KIAA0825: variants seen among roughly 807,000 people sequenced by gnomAD.
The protein encoded by KIAA0825 is uncharacterized protein KIAA0825.
In KIAA0825, 119 loss-of-function variants were observed where a neutral mutation model predicts 147.6. The ratio of observed to expected loss-of-function variants is 0.81; its 90% CI spans 0.69 to 0.94. The LOEUF (loss-of-function observed/expected upper bound fraction) is 0.94, where lower values mean the gene tolerates loss of function less well. Ranked by LOEUF, KIAA0825 falls within the 40% of genes least tolerant of loss-of-function variation. The pLI, the probability that KIAA0825 is intolerant of heterozygous loss-of-function variation, is 0.00. For missense variants in KIAA0825, 1,381 were observed against 1,472.7 expected (o/e 0.94, Z 1.02); for synonymous variants, 470 against 518.1 (o/e 0.91, Z 1.26).
intron 20 of KIAA0825, among the ~76,000 whole-genome samples, chr5:94,249,041 AT>A (rs943723979): frequency 1.3e-5 from 2 of 151,614 alleles, no homozygotes; most frequent in South Asian, 2.1e-4. Context: ...AATATCTTAT[AT>A]TTTTTTTTCC....
intron 1 of KIAA0825, among the ~76,000 whole-genome samples, chr5:94,612,635 C>A (rs1329345370): frequency 2.0e-5 from 3 of 152,182 alleles, no homozygotes. Context: ...CTACACCAGG[C>A]ACCATATTAA....
intron 5 of KIAA0825, among the ~76,000 whole-genome samples, chr5:94,518,935 CTT>C (rs1228408117): frequency 1.3e-5 from 2 of 151,936 alleles, no homozygotes; most frequent in Non-Finnish European, 2.9e-5. Flanking sequence ...ATTGAAAAGA[CTT>C]TACAAGTAAG....
intron 1 of KIAA0825, among the ~76,000 whole-genome samples, chr5:94,613,015 T>A (rs1314848605): frequency 6.6e-6 from 1 of 152,250 alleles, no homozygotes; most frequent in Admixed American, 6.5e-5. Context: ...TTCAAGGCTA[T>A]CATTATATGT....
rs566161789 is a variant in KIAA0825 at position 94,484,809 on chromosome 5, G to A, written c.1092C>T (p.Asp364=). ...KLEKGVQELF[D]EILLSLKITR... is the part of the protein sequence containing the mutation. ...TTATCTTGAGTGATAAAAGTATTTC[G>A]TCAAACAATTCTTGAACACCTTTTT... Residue 364 remains aspartate (D), a synonymous_variant, in exon 6 of 21, where the codon GAC becomes GAT. Transcript: ENST00000682413. The A allele has an allele frequency of 2.2e-5, 33 of 1,515,904 alleles. No individual in the cohort carries two copies. Among genetic ancestry groups the A allele is most frequent in the African/African-American group, 1.4e-4 (10 of 72,396 alleles). The allele number at this position is 1,515,904 out of a possible 1,614,324, so 93.9% of individuals were successfully genotyped here. A position where few individuals can be genotyped will look rare whatever the true frequency, so the allele number is the denominator to read the frequency against.
intron 20 of KIAA0825, among the ~76,000 whole-genome samples, chr5:94,203,102 G>T (rs1233955706): frequency 2.6e-5 from 4 of 152,162 alleles, no homozygotes; most frequent in African/African-American, 9.7e-5. Context: ...CAGAAACTTA[G>T]AGAAATAAAG....
rs754999256 is a variant in KIAA0825 at position 94,524,073 on chromosome 5, G to A, written c.157C>T (p.Gln53Ter). ...GGACATTGTTTGTTAATTTCGGACTGTATCTCTTTAATGCAATGTTTTATG... is the reference window on the plus strand; with the variant it reads ...GGACATTGTTTGTTAATTTCGGACTATATCTCTTTAATGCAATGTTTTATG... ...ASIKHCIKEI[Q>*]SEINKQCPGV... The change falls in exon 4 of 21, where the codon CAG becomes TAG. Residue 53 changes from glutamine (Q) to a stop codon, truncating the protein, a stop_gained. Transcript: ENST00000682413. LOFTEE classifies it high-confidence loss of function. 11 of 1,607,854 alleles carry A rather than the reference G, an allele frequency of 6.8e-6. No individual in the cohort carries two copies. The highest frequency in any genetic ancestry group is 1.7e-5 in the Admixed American group (1 of 59,420).
At position 94,608,474 on chromosome 5, in the gene KIAA0825, A is replaced by ATAATATATATATTATATATATAAT. The variant is rs1491366946; in HGVS notation, c.-153+10025_-153+10026insATTATATATATAATATATATATTA. Reference sequence around the variant, plus strand: ...GTGTATATATATATATTATATATATAATATATATATATATATAATTATATA... The same window carrying ATAATATATATATTATATATATAAT: ...GTGTATATATATATATTATATATATATAATATATATATTATATATATAATATATATATATATATATAATTATATA... On this transcript the variant is annotated intron_variant, in intron 1 of 20. Transcript: ENST00000682413. Among the ~76,000 whole-genome samples, 2 of 14,524 alleles carry ATAATATATATATTATATATATAAT rather than the reference A, an allele frequency of 1.4e-4. 1 individual carries two copies. Among genetic ancestry groups the ATAATATATATATTATATATATAAT allele is most frequent in the Non-Finnish European group, 2.5e-4 (2 of 8,096 alleles). The allele number at this position is 14,524 out of a possible 152,430, so 9.5% of individuals were successfully genotyped here.
chr5:94,455,037 G>A (rs866454097), intron 12 of KIAA0825, among the ~76,000 whole-genome samples: 1 of 152,122 alleles, frequency 6.6e-6, no homozygotes, highest in Non-Finnish European at 1.5e-5. Context: ...TAAGGGGGCT[G>A]CGGACATCCG....
intron 14 of KIAA0825, among the ~76,000 whole-genome samples, chr5:94,430,067 G>A (rs1244316271): frequency 3.3e-5 from 5 of 152,122 alleles, no homozygotes; most frequent in African/African-American, 1.2e-4. Context: ...CTGCACAGGA[G>A]GGGTGGGGCA....
chr5:94,607,176 C>T (rs990165391), intron 1 of KIAA0825, among the ~76,000 whole-genome samples: 5 of 152,132 alleles, frequency 3.3e-5, no homozygotes, highest in South Asian at 2.1e-4. Flanking sequence ...AAGTTATATA[C>T]GAGATCCCAA....
At chr5:94,431,251 A>G (rs1755620588) in intron 14 of KIAA0825, among the ~76,000 whole-genome samples, 1 of 152,252 alleles carries the variant, frequency 6.6e-6, no homozygotes, top group Non-Finnish European at 1.5e-5. Context: ...AAATGAATTA[A>G]TAAGGTCAAT....
chr5:94,209,154 A>G (rs1583856225), intron 20 of KIAA0825, among the ~76,000 whole-genome samples: 1 of 152,340 alleles, frequency 6.6e-6, no homozygotes, highest in South Asian at 2.1e-4. Context: ...TTGCTCAGTG[A>G]AAATTCGGTC....
chr5:94,349,249 A>G lies in KIAA0825; in HGVS notation c.3710+35119T>C, dbSNP rs181080289. On this transcript the variant is annotated intron_variant, in intron 20 of 20. Transcript: ENST00000682413. The stretch of plus-strand genomic sequence containing the variant: ...CCTTGTCCAACAGGAAAATATCACA[A>G]TCCTAAATATATATGCACCTAACAC... Among the ~76,000 whole-genome samples the G allele has an allele frequency of 2.0e-5, 3 of 152,310 alleles. No individual in the cohort carries two copies. In the East Asian group the frequency reaches 5.8e-4, roughly 29 times the overall value.
intron 20 of KIAA0825, among the ~76,000 whole-genome samples, chr5:94,368,365 G>T (rs945605729): frequency 6.6e-6 from 1 of 152,164 alleles, no homozygotes; most frequent in Non-Finnish European, 1.5e-5. Context: ...TAGAAATAGG[G>T]TTTCTGCATG....
At chr5:94,190,846 G>A (rs2150000152) in intron 20 of KIAA0825, among the ~76,000 whole-genome samples, 1 of 151,882 alleles carries the variant, frequency 6.6e-6, no homozygotes, top group Non-Finnish European at 1.5e-5. Flanking sequence ...CATTAAAAAT[G>A]GAAAATAAAA....
intron 4 of KIAA0825, 129 bp downstream of exon 4, chr5:94,523,801 A>G (rs1768707547): frequency 1.9e-6 from 1 of 527,274 alleles, no homozygotes; most frequent in Non-Finnish European, 3.2e-6. Context: ...ATAGGAACAT[A>G]AAAACACAAA....
intron 4 of KIAA0825, among the ~76,000 whole-genome samples, 155 bp from the exon 5 acceptor site, chr5:94,521,072 A>G (rs1008268334): frequency 1.3e-5 from 2 of 151,862 alleles, no homozygotes; most frequent in African/African-American, 4.8e-5. Context: ...ATCAATTCAG[A>G]TGTTTTAGAA....
At chr5:94,610,828 A>G (rs1326726910) in intron 1 of KIAA0825, among the ~76,000 whole-genome samples, 1 of 148,060 alleles carries the variant, frequency 6.8e-6, no homozygotes, top group African/African-American at 2.5e-5. Context: ...TTAAAAAAAA[A>G]GTCATGACAC....
At chr5:94,260,147 T>C (rs1037819064) in intron 20 of KIAA0825, among the ~76,000 whole-genome samples, 1 of 152,102 alleles carries the variant, frequency 6.6e-6, no homozygotes, top group African/African-American at 2.4e-5. Context: ...CTAGTAGCAA[T>C]TTAAAATAAT....
Sources: allele counts gnomAD v4.1 joint callset (sites outside exome capture counted in the v4.1 genomes callset), GRCh38; gene constraint gnomAD v4.1.1; transcripts MANE v1.5; gene names NCBI Gene and HGNC (gene_info 2026-07-23, HGNC 2026-07-21).